KCNK2: variants seen among roughly 807,000 people sequenced by gnomAD.
The protein encoded by KCNK2 is potassium two pore domain channel subfamily K member 2.
Under a neutral mutation model 40.5 loss-of-function variants are expected in KCNK2, and 21 were observed. The observed-to-expected ratio is 0.52, with a 90% CI of 0.37 to 0.75. The LOEUF is 0.75. KCNK2 is among the 30% of genes least tolerant of loss of function. The pLI, the probability that KCNK2 is intolerant of heterozygous loss-of-function variation, is 0.00. For synonymous variants in KCNK2, 191 were observed against 202.2 expected (o/e 0.94, Z 0.47); for missense variants, 399 against 531.6 (o/e 0.75, Z 2.45).
chr1:215,089,669 C>A (rs911264017), intron 2 of KCNK2, among the ~76,000 whole-genome samples: 2 of 151,994 alleles, frequency 1.3e-5, no homozygotes, highest in African/African-American at 4.8e-5. Flanking sequence ...GGCACTGGAC[C>A]TTCAAGACAA....
chr1:215,026,951 C>T (rs920318003), intron 1 of KCNK2, among the ~76,000 whole-genome samples: 1 of 152,008 alleles, frequency 6.6e-6, no homozygotes, highest in African/African-American at 2.4e-5. Flanking sequence ...ATTCTTACAA[C>T]AGGATTTATA....
intron 1 of KCNK2, among the ~76,000 whole-genome samples, chr1:215,042,671 C>T (rs1657609147): frequency 6.6e-6 from 1 of 152,304 alleles, no homozygotes. Context: ...TTATTCAAGA[C>T]ACTAAACTTA....
intron 1 of KCNK2, among the ~76,000 whole-genome samples, chr1:215,030,772 C>T (rs904305973): frequency 6.6e-6 from 1 of 150,402 alleles, no homozygotes; most frequent in Non-Finnish European, 1.5e-5. Context: ...ATCTCAAACT[C>T]CTGGGCTCAA....
chr1:215,060,222 A>G (rs1173197458), intron 1 of KCNK2, among the ~76,000 whole-genome samples: 2 of 152,204 alleles, frequency 1.3e-5, no homozygotes, highest in Non-Finnish European at 2.9e-5. Flanking sequence ...CTCGGCCGCA[A>G]CTAAACAGAG....
chr1:215,008,491 T>C (rs1368943837), intron 1 of KCNK2, among the ~76,000 whole-genome samples: 1 of 152,118 alleles, frequency 6.6e-6, no homozygotes, highest in Non-Finnish European at 1.5e-5. Context: ...CCCCTACTTA[T>C]AAACAGAGTG....
In KCNK2 at chr1:215,195,099, A is replaced by C. The variant is rs80246222; in HGVS notation, c.963+7A>C. Reference sequence around the variant, plus strand: ...TAAAAAGACAAAAGAAGAGGTGAGAATTAAGAAGTGTGCAAAAAACTTCTA... The same window carrying C: ...TAAAAAGACAAAAGAAGAGGTGAGACTTAAGAAGTGTGCAAAAAACTTCTA... On this transcript the variant is annotated splice_region_variant and intron_variant, in intron 6 of 6. Transcript: ENST00000444842. 1.9e-3 allele frequency: 2,964 copies of C among 1,586,958 alleles called. 13 individuals carry two copies. The highest frequency in any genetic ancestry group is 2.4e-3 in the Non-Finnish European group (2,747 of 1,167,360).
At chr1:215,134,562 A>G (rs1661816441) in intron 3 of KCNK2, among the ~76,000 whole-genome samples, 1 of 152,188 alleles carries the variant, frequency 6.6e-6, no homozygotes, top group African/African-American at 2.4e-5. Flanking sequence ...TGAAAGCTTC[A>G]TCATCTAAGT....
intron 6 of KCNK2, among the ~76,000 whole-genome samples, chr1:215,221,031 C>G (rs1666150117): frequency 6.6e-6 from 1 of 152,216 alleles, no homozygotes. Flanking sequence ...GCACTGACCC[C>G]TTTCCCTGCA....
At chr1:215,185,938 T>C (rs1260687221) in intron 5 of KCNK2, among the ~76,000 whole-genome samples, 7 of 152,212 alleles carry the variant, frequency 4.6e-5, no homozygotes, top group Admixed American at 1.3e-4. Flanking sequence ...AAAAGAAGTA[T>C]ATTTTGGAAA....
intron 1 of KCNK2, among the ~76,000 whole-genome samples, chr1:215,084,023 T>C (rs1659308906): frequency 6.6e-6 from 1 of 152,210 alleles, no homozygotes; most frequent in South Asian, 2.1e-4. Context: ...GTATTAAAGA[T>C]AAAAGTCTGC....
chr1:215,145,260 T>G (rs1037214464), intron 3 of KCNK2, among the ~76,000 whole-genome samples: 3 of 152,126 alleles, frequency 2.0e-5, no homozygotes, highest in Non-Finnish European at 4.4e-5. Flanking sequence ...CATGCTAAGT[T>G]CTTTATGTTT....
chr1:215,121,112 G>A lies in KCNK2; in HGVS notation c.358-3521G>A, dbSNP rs56806498. On this transcript the variant is annotated intron_variant, in intron 2 of 6. Transcript: ENST00000444842. ...AAGAGTTGAAAATCAATAATATATA[G>A]CTATTGAAAGATGTGGAGATAAAAT... is the stretch of plus-strand genomic sequence containing the variant. 8.9e-3 allele frequency among the ~76,000 whole-genome samples: 1,362 copies of A among 152,200 alleles called. 21 individuals carry two copies. Among genetic ancestry groups the A allele is most frequent in the African/African-American group, 0.031 (1,290 of 41,546 alleles).
intron 1 of KCNK2, among the ~76,000 whole-genome samples, chr1:215,058,065 T>C (rs17546779): frequency 0.047 from 7,096 of 152,114 alleles, 223 homozygotes; most frequent in Non-Finnish European, 0.07. Context: ...AAGTAGACTA[T>C]GAGGAATGAA....
chr1:215,134,375 A>G (rs1281896350), intron 3 of KCNK2, among the ~76,000 whole-genome samples: 1 of 152,188 alleles, frequency 6.6e-6, no homozygotes, highest in African/African-American at 2.4e-5. Flanking sequence ...AACTCAGGGA[A>G]TAGTTTACTG....
chr1:215,120,027 A>G (rs1380181598), intron 2 of KCNK2, among the ~76,000 whole-genome samples: 1 of 152,040 alleles, frequency 6.6e-6, no homozygotes, highest in Non-Finnish European at 1.5e-5. Flanking sequence ...TAGAGAAAAG[A>G]CCTCATGGTA....
At chr1:215,047,282 G>A (rs1445948854) in intron 1 of KCNK2, among the ~76,000 whole-genome samples, 1 of 152,096 alleles carries the variant, frequency 6.6e-6, no homozygotes, top group East Asian at 1.9e-4. Context: ...TGGCCATTGT[G>A]CTAAGCATTT....
intron 1 of KCNK2, among the ~76,000 whole-genome samples, chr1:215,033,050 T>C (rs1657260033): frequency 6.6e-6 from 1 of 151,356 alleles, no homozygotes; most frequent in East Asian, 1.9e-4. Context: ...TTTTTCAGTC[T>C]TTTTTTTTCT....
At chr1:215,225,818 G>A (rs1666362905) in intron 6 of KCNK2, among the ~76,000 whole-genome samples, 1 of 152,162 alleles carries the variant, frequency 6.6e-6, no homozygotes, top group African/African-American at 2.4e-5. Flanking sequence ...TTGCAGTGTG[G>A]AGAGGGTAGG....
chr1:215,147,852 C>T (rs898536678), intron 3 of KCNK2, among the ~76,000 whole-genome samples: 2 of 151,726 alleles, frequency 1.3e-5, no homozygotes, highest in Non-Finnish European at 2.9e-5. Context: ...AAAAAACAAA[C>T]AAACAAAAAC....
Sources: gnomAD v4.1 joint callset for allele counts (sites outside exome capture counted in the v4.1 genomes callset) on GRCh38, gnomAD v4.1.1 for gene constraint, MANE v1.5 for transcripts, NCBI Gene and HGNC (gene_info 2026-07-23, HGNC 2026-07-21) for gene names.